Variants in RAB3C observed in about 807,000 individuals in gnomAD.
RAB3C encodes RAB3C, member RAS oncogene family, also known as ras-related protein Rab-3C.
RAB3C carries 17 observed loss-of-function variants against 26.4 expected under a neutral mutation model. The ratio of observed to expected loss-of-function variants is 0.64; its 90% CI spans 0.44 to 0.97. The LOEUF is 0.97. Ranked by LOEUF, RAB3C falls within the 50% of genes least tolerant of loss-of-function variation. The pLI, the probability that RAB3C is intolerant of heterozygous loss-of-function variation, is 0.00. For missense variants in RAB3C, 242 were observed against 281.9 expected, an observed-to-expected ratio of 0.86 and a Z score of 1.01; for synonymous variants, 91 against 95.9, an observed-to-expected ratio of 0.95 and a Z score of 0.30.
At chr5:58,797,606 C>G (rs1742703357) in intron 3 of RAB3C, among the ~76,000 whole-genome samples, 1 of 151,880 alleles carries the variant, frequency 6.6e-6, no homozygotes. Flanking sequence ...GATGTCTGGA[C>G]CTTGTGAGCC....
chr5:58,596,424 A>G (rs1746250419), intron 1 of RAB3C, among the ~76,000 whole-genome samples: 1 of 147,822 alleles, frequency 6.8e-6, no homozygotes. Flanking sequence ...CTTTACTATT[A>G]TTGTAGAGAG....
intron 3 of RAB3C, among the ~76,000 whole-genome samples, chr5:58,732,089 TTTC>T (rs1741035683): frequency 7.3e-6 from 1 of 136,574 alleles, no homozygotes; most frequent in African/African-American, 2.5e-5. Flanking sequence ...TATTTATTTT[TTTC>T]TGTTTTGTTT....
chr5:58,737,405 ATAT>A (rs1741167456), intron 3 of RAB3C, among the ~76,000 whole-genome samples: 1 of 20,440 alleles, frequency 4.9e-5, no homozygotes, highest in Non-Finnish European at 8.3e-5. Flanking sequence ...ATATATATAT[ATAT>A]ATATATATAT....
intron 1 of RAB3C, among the ~76,000 whole-genome samples, chr5:58,594,269 C>A (rs1380657433): frequency 1.3e-5 from 2 of 152,124 alleles, no homozygotes; most frequent in Non-Finnish European, 2.9e-5. Flanking sequence ...AAATTATGAC[C>A]CTCCTGTGAC....
At chr5:58,768,098 G>A (rs559315324) in intron 3 of RAB3C, among the ~76,000 whole-genome samples, 1 of 152,248 alleles carries the variant, frequency 6.6e-6, no homozygotes, top group South Asian at 2.1e-4. Context: ...AATGGGGCTG[G>A]AGTAGAAGGG....
chr5:58,774,223 T>C (rs769555976), intron 3 of RAB3C, among the ~76,000 whole-genome samples: 8 of 152,186 alleles, frequency 5.3e-5, no homozygotes, highest in Non-Finnish European at 8.8e-5. Context: ...CTTTCTCTCT[T>C]ACCTGGTATC....
At chr5:58,816,787 C>T (rs923700690) in intron 3 of RAB3C, among the ~76,000 whole-genome samples, 3 of 151,910 alleles carry the variant, frequency 2.0e-5, no homozygotes, top group South Asian at 2.1e-4. Flanking sequence ...GGAAGGAAGA[C>T]GGAGGGTAGC....
intron 2 of RAB3C, among the ~76,000 whole-genome samples, chr5:58,710,648 AT>A (rs964785242): frequency 1.3e-5 from 2 of 151,510 alleles, no homozygotes; most frequent in African/African-American, 2.4e-5. Flanking sequence ...ATAAATAGAA[AT>A]TTTAAAAAAG....
chr5:58,786,949 A>G (rs1215455937), intron 3 of RAB3C, among the ~76,000 whole-genome samples: 1 of 151,874 alleles, frequency 6.6e-6, no homozygotes, highest in Non-Finnish European at 1.5e-5. Flanking sequence ...ATCCGCGGCC[A>G]GTTGAAAGGA....
chr5:58,803,920 C>A (rs1440962316), intron 3 of RAB3C, among the ~76,000 whole-genome samples: 1 of 152,010 alleles, frequency 6.6e-6, no homozygotes, highest in African/African-American at 2.4e-5. Flanking sequence ...ATTAGCCAGG[C>A]TTGGTGGCAG....
chr5:58,748,027 A>C (rs1323970005), intron 3 of RAB3C, among the ~76,000 whole-genome samples: 1 of 152,156 alleles, frequency 6.6e-6, no homozygotes, highest in African/African-American at 2.4e-5. Context: ...TATGAATGGC[A>C]GAATGTAATA....
intron 3 of RAB3C, among the ~76,000 whole-genome samples, chr5:58,741,398 C>T (rs1215669688): frequency 6.6e-6 from 1 of 152,178 alleles, no homozygotes; most frequent in Non-Finnish European, 1.5e-5. Context: ...AAGTCCCAAC[C>T]ATCTCATCAT....
chr5:58,607,588 C>T (rs1436947678), intron 1 of RAB3C, among the ~76,000 whole-genome samples: 1 of 152,096 alleles, frequency 6.6e-6, no homozygotes, highest in Non-Finnish European at 1.5e-5. Flanking sequence ...CCTCAAGAAT[C>T]ACAACCCCAA....
At chr5:58,678,187 T>C (rs908900137) in intron 2 of RAB3C, among the ~76,000 whole-genome samples, 14 of 152,274 alleles carry the variant, frequency 9.2e-5, no homozygotes, top group Admixed American at 5.9e-4. Context: ...TTCTTTATGA[T>C]GCTAAATTCC....
At chr5:58,779,028 G>A (rs1257905046) in intron 3 of RAB3C, among the ~76,000 whole-genome samples, 1 of 152,032 alleles carries the variant, frequency 6.6e-6, no homozygotes, top group African/African-American at 2.4e-5. Flanking sequence ...AGTAAGCCAC[G>A]TTCATTCTGT....
intron 1 of RAB3C, among the ~76,000 whole-genome samples, chr5:58,604,300 G>A (rs987184115): frequency 6.6e-6 from 1 of 152,244 alleles, no homozygotes. Flanking sequence ...GCCAGGAGGT[G>A]GCACTTTGCA....
At chr5:58,810,357 T>A (rs538656139) in intron 3 of RAB3C, among the ~76,000 whole-genome samples, 25 of 131,594 alleles carry the variant, frequency 1.9e-4, no homozygotes, top group African/African-American at 7.1e-4. Flanking sequence ...ACAAAAGTAC[T>A]CTGTGTGCTC....
At chr5:58,782,114 C>G (rs2112003002) in intron 3 of RAB3C, among the ~76,000 whole-genome samples, 1 of 152,076 alleles carries the variant, frequency 6.6e-6, no homozygotes, top group Middle Eastern at 3.4e-3. Context: ...ATCCCCATGA[C>G]TAAAAGATGT....
At chr5:58,765,159 G>A (rs963887669) in intron 3 of RAB3C, among the ~76,000 whole-genome samples, 8 of 152,102 alleles carry the variant, frequency 5.3e-5, no homozygotes, top group African/African-American at 1.9e-4. Flanking sequence ...GGAAAAGTAA[G>A]GTTAATAATT....
Sources: allele counts gnomAD v4.1 joint callset (sites outside exome capture counted in the v4.1 genomes callset), GRCh38; gene constraint gnomAD v4.1.1; transcripts MANE v1.5; gene names NCBI Gene and HGNC (gene_info 2026-07-23, HGNC 2026-07-21).